Variants in MAP7 observed in about 807,000 individuals in gnomAD.
MAP7 encodes microtubule associated protein 7.
A neutral mutation model predicts 94.8 loss-of-function variants in MAP7; 52 were observed. The ratio of observed to expected loss-of-function variants is 0.55; its 90% CI spans 0.44 to 0.69. MAP7 has a LOEUF of 0.69. Ranked by LOEUF, MAP7 falls within the 30% of genes least tolerant of loss-of-function variation. The pLI, the probability that MAP7 is intolerant of heterozygous loss-of-function variation, is 0.00. For synonymous variants in MAP7, 350 were observed against 357.0 expected (o/e 0.98, Z 0.22); for missense variants, 940 against 964.6 (o/e 0.97, Z 0.34).
chr6:136,471,256 G>A (rs1808877507), intron 1 of MAP7, among the ~76,000 whole-genome samples: 1 of 152,172 alleles, frequency 6.6e-6, no homozygotes, highest in South Asian at 2.1e-4. Context: ...ATCATGGTGG[G>A]TCTTACTTGA....
chr6:136,490,106 C>T (rs1816105430), intron 1 of MAP7, among the ~76,000 whole-genome samples: 1 of 152,172 alleles, frequency 6.6e-6, no homozygotes, highest in Non-Finnish European at 1.5e-5. Flanking sequence ...CTTCAACAAT[C>T]ACATGCTGTT....
rs1056878144 is a variant in MAP7, at chr6:136,420,080, C to A, written c.166+1621G>T. The A allele has an allele frequency of 1.2e-5, 10 of 836,686 alleles. No homozygotes were observed. In the African/African-American group the frequency reaches 1.6e-4, roughly 14 times the overall value. 51.8% of individuals were successfully genotyped at this position (836,686 alleles called of 1,614,324 possible). On this transcript the variant is annotated intron_variant, in intron 2 of 17. Transcript: ENST00000354570. ...GCTCGATTAATTACAATGGAGGGGT[C>A]AGTCTCCAACTTAAAGGAAATTATA... is the stretch of plus-strand genomic sequence containing the variant.
chr6:136,506,124 T>C (rs570494444), intron 1 of MAP7, among the ~76,000 whole-genome samples: 1 of 152,294 alleles, frequency 6.6e-6, no homozygotes, highest in Admixed American at 6.5e-5. Context: ...CAATTTATGT[T>C]TTCCTAGAAA....
At chr6:136,386,353 T>C (rs1779191241) in intron 5 of MAP7, among the ~76,000 whole-genome samples, 1 of 152,190 alleles carries the variant, frequency 6.6e-6, no homozygotes, top group Non-Finnish European at 1.5e-5. Context: ...GAACAATTTA[T>C]TATAATTCAC....
chr6:136,401,467 T>A (rs1582802382), intron 3 of MAP7, among the ~76,000 whole-genome samples: 1 of 152,228 alleles, frequency 6.6e-6, no homozygotes, highest in East Asian at 1.9e-4. Context: ...AAGGATGAGT[T>A]CTTGTCCTTT....
chr6:136,380,613 A>G (rs1777479701), intron 6 of MAP7, among the ~76,000 whole-genome samples: 1 of 152,208 alleles, frequency 6.6e-6, no homozygotes. Context: ...TTCTTGAGAA[A>G]AAGTTGGTTA....
chr6:136,491,949 A>G (rs1437400533), intron 1 of MAP7, among the ~76,000 whole-genome samples: 4 of 152,228 alleles, frequency 2.6e-5, no homozygotes, highest in Admixed American at 2.6e-4. Context: ...ACATTCAGCT[A>G]AGTTACTAGG....
intron 1 of MAP7, among the ~76,000 whole-genome samples, chr6:136,448,476 G>A (rs916233210): frequency 1.3e-5 from 2 of 150,876 alleles, no homozygotes; most frequent in Non-Finnish European, 3.0e-5. Flanking sequence ...GTGCAGTGGC[G>A]CAATCTCAGC....
chr6:136,412,959 G>A (rs887444531), intron 2 of MAP7, among the ~76,000 whole-genome samples: 5 of 151,816 alleles, frequency 3.3e-5, no homozygotes, highest in South Asian at 4.2e-4. Context: ...TGAGGAGTTC[G>A]AGACCAGCCT....
At chr6:136,467,950 C>T (rs578139678) in intron 1 of MAP7, among the ~76,000 whole-genome samples, 89 of 152,278 alleles carry the variant, frequency 5.8e-4, no homozygotes, top group African/African-American at 1.1e-3. Context: ...GTTTCTAAGA[C>T]GCGTGAGGGT....
chr6:136,478,978 TC>T (rs1811846730), intron 1 of MAP7, among the ~76,000 whole-genome samples: 1 of 18,720 alleles, frequency 5.3e-5, no homozygotes, highest in African/African-American at 3.2e-4. Flanking sequence ...AACAGACACA[TC>T]AAAAAAAAAA....
chr6:136,359,780 T>C (rs768270145), intron 15 of MAP7, 40 bp downstream of exon 15: 2 of 1,576,372 alleles, frequency 1.3e-6, no homozygotes, highest in South Asian at 1.1e-5. Flanking sequence ...AATTTAAACA[T>C]TTTATATATA....
intron 1 of MAP7, among the ~76,000 whole-genome samples, chr6:136,436,672 A>G (rs1020870943): frequency 2.0e-5 from 3 of 152,140 alleles, no homozygotes; most frequent in African/African-American, 7.2e-5. Context: ...GAGCTACCAC[A>G]TCCATCCTAA....
intron 1 of MAP7, among the ~76,000 whole-genome samples, chr6:136,488,261 T>C (rs189032551): frequency 3.3e-5 from 5 of 152,298 alleles, no homozygotes; most frequent in African/African-American, 1.2e-4. Flanking sequence ...ACAAAGCTTT[T>C]TTTGGGTATC....
At chr6:136,502,697 G>A (rs1221060094) in intron 1 of MAP7, among the ~76,000 whole-genome samples, 1 of 152,162 alleles carries the variant, frequency 6.6e-6, no homozygotes, top group Non-Finnish European at 1.5e-5. Flanking sequence ...AAAGACCAAG[G>A]TAGTTTTAAA....
chr6:136,345,676 G>C, intron 17 of MAP7, 180 bp downstream of exon 17: 2 of 683,666 alleles, frequency 2.9e-6, no homozygotes, highest in Non-Finnish European at 5.3e-6. Flanking sequence ...CTTAGAAGTT[G>C]TCCAATCCAA....
At chr6:136,412,412 A>G (rs1375172289) in intron 2 of MAP7, among the ~76,000 whole-genome samples, 1 of 152,210 alleles carries the variant, frequency 6.6e-6, no homozygotes, top group African/African-American at 2.4e-5. Context: ...AATCTGACAA[A>G]CAAGACAAAT....
intron 3 of MAP7, among the ~76,000 whole-genome samples, chr6:136,402,268 C>T (rs879309864): frequency 4.6e-5 from 7 of 152,246 alleles, no homozygotes; most frequent in Non-Finnish European, 8.8e-5. Flanking sequence ...CTTCCCTATA[C>T]ACACAATGTC....
chr6:136,478,258 G>T (rs1341555201), intron 1 of MAP7, among the ~76,000 whole-genome samples: 1 of 151,978 alleles, frequency 6.6e-6, no homozygotes, highest in East Asian at 1.9e-4. Flanking sequence ...CCAAACACAA[G>T]ATTAATAGAA....
Sources: allele counts gnomAD v4.1 joint callset (sites outside exome capture counted in the v4.1 genomes callset), GRCh38; gene constraint gnomAD v4.1.1; transcripts MANE v1.5; gene names NCBI Gene and HGNC (gene_info 2026-07-23, HGNC 2026-07-21).